The following PITPNC1 variants were observed in gnomAD, a reference collection of about 807,000 sequenced individuals.
The protein encoded by PITPNC1 is cytoplasmic phosphatidylinositol transfer protein 1.
PITPNC1 carries 18 observed loss-of-function variants against 44.7 expected under a neutral mutation model. The observed-to-expected ratio is 0.40, with a 90% CI of 0.28 to 0.60. PITPNC1 has a LOEUF of 0.60. Among genes scored for constraint, PITPNC1 ranks in the 20% least tolerant of loss-of-function variants. PITPNC1 has a pLI of 0.39. For synonymous variants in PITPNC1, 141 were observed against 149.6 expected (o/e 0.94, Z 0.42); for missense variants, 290 against 418.4 (o/e 0.69, Z 2.68).
chr17:67,434,539 G>A (rs913677366), intron 1 of PITPNC1, among the ~76,000 whole-genome samples: 2 of 152,140 alleles, frequency 1.3e-5, no homozygotes, highest in South Asian at 2.1e-4. Context: ...GGCTGGGCGC[G>A]GTGGCTCACA....
At chr17:67,581,804 T>C (rs372735131) in intron 5 of PITPNC1, among the ~76,000 whole-genome samples, 1 of 152,102 alleles carries the variant, frequency 6.6e-6, no homozygotes, top group African/African-American at 2.4e-5. Context: ...GAGGCTGAGG[T>C]GGGTGGATAC....
intron 4 of PITPNC1, among the ~76,000 whole-genome samples, chr17:67,574,633 C>G (rs1010499895): frequency 2.0e-5 from 3 of 152,174 alleles, no homozygotes; most frequent in African/African-American, 7.2e-5. Context: ...AACCAGCCTG[C>G]ATGGGGGAGG....
At chr17:67,678,638 G>T (rs2042647193) in intron 8 of PITPNC1, among the ~76,000 whole-genome samples, 1 of 152,220 alleles carries the variant, frequency 6.6e-6, no homozygotes. Context: ...TCACACAGAT[G>T]CAGACACTCA....
chr17:67,588,535 T>C (rs8071439), intron 5 of PITPNC1, among the ~76,000 whole-genome samples: 10,725 of 152,178 alleles, frequency 0.07, 439 homozygotes, highest in Admixed American at 0.11. Context: ...CCGTCAACTC[T>C]GCTCTGTATA....
chr17:67,696,583 A>G lies in PITPNC1; in HGVS notation c.*3695A>G, dbSNP rs2043014110. 6.6e-6 allele frequency: 1 copy of G among 152,230 alleles called. No homozygotes were observed. 9.4% of individuals were successfully genotyped at this position (152,230 alleles called of 1,614,324 possible). ...TGAGCCATAGTTCTTGAGATTTAAA[A>G]AGTCTGTCCAGTGACTGCAATCTGA... is the stretch of plus-strand genomic sequence containing the variant. On this transcript the variant is annotated 3_prime_UTR_variant, in exon 9 of 9. Transcript: ENST00000581322.
Position 67,377,982 on chromosome 17 carries a change from T to A in PITPNC1, c.-173T>A. On this transcript the variant is annotated 5_prime_UTR_variant, in exon 1 of 9. An upstream start codon of the reference 5' UTR is lost. Coordinates refer to ENST00000581322, the MANE Select transcript of PITPNC1 (RefSeq NM_012417.4). ...GAACACCCAGACCCAAACCCTGACA[T>A]GCTCTGGGGCGGAGAGGAGGAAGCC... 2.3e-6 allele frequency: 1 copy of A among 436,254 alleles called. No individual in the cohort carries two copies. The highest frequency in any genetic ancestry group is 4.9e-5 in the South Asian group (1 of 20,352). The allele number at this position is 436,254 out of a possible 1,614,324, so 27.0% of individuals were successfully genotyped here.
At position 67,597,330 on chromosome 17, in the gene PITPNC1, T is replaced by C. The variant is rs2041472919; in HGVS notation, c.366+19073T>C. ...GCACTTTGGGAGGCCAAAGTGGGTA[T>C]CTTACTTGAAGTCAGGAATTCGAGA... On this transcript the variant is annotated intron_variant, in intron 5 of 8. Transcript: ENST00000581322. The surrounding 1 kb of genome is among the most constrained non-coding windows in gnomAD (Gnocchi z 4.0). Among the ~76,000 whole-genome samples, 1 of 152,028 alleles carries C rather than the reference T, an allele frequency of 6.6e-6. No homozygotes were observed. The highest frequency in any genetic ancestry group is 1.5e-5 in the Non-Finnish European group (1 of 67,986).
At chr17:67,426,463 A>T (rs1323431976) in intron 1 of PITPNC1, among the ~76,000 whole-genome samples, 4 of 152,210 alleles carry the variant, frequency 2.6e-5, no homozygotes, top group Admixed American at 6.5e-5. Context: ...TTGCAGGAAC[A>T]TGGATGAAGC....
At chr17:67,552,924 G>A (rs2040787720) in intron 3 of PITPNC1, among the ~76,000 whole-genome samples, 1 of 151,856 alleles carries the variant, frequency 6.6e-6, no homozygotes, top group Non-Finnish European at 1.5e-5. Context: ...GTAATTTAGG[G>A]GTATAATTTG....
At position 67,676,490 on chromosome 17, in the gene PITPNC1, C is replaced by CA. The variant is rs2042605041; in HGVS notation, c.682+949dup. On this transcript the variant is annotated intron_variant, in intron 8 of 8. Transcript: ENST00000581322. The surrounding 1 kb of genome is among the most constrained non-coding windows in gnomAD (Gnocchi z 4.0). ...TTTCTGCACTCCCAGAATCAGTCAT[C>CA]AGATGGCTACCGTCCTTGGCTATAA... is the stretch of plus-strand genomic sequence containing the variant. Among the ~76,000 whole-genome samples the CA allele has an allele frequency of 6.6e-6, 1 of 152,172 alleles. No individual in the cohort carries two copies. Among genetic ancestry groups the CA allele is most frequent in the African/African-American group, 2.4e-5 (1 of 41,452 alleles).
At chr17:67,585,165 G>C (rs895804271) in intron 5 of PITPNC1, among the ~76,000 whole-genome samples, 4 of 151,168 alleles carry the variant, frequency 2.6e-5, no homozygotes, top group Non-Finnish European at 4.4e-5. Context: ...CATTAATCAT[G>C]GAGTAGGGGA....
In PITPNC1 at chr17:67,597,922, C is replaced by G. The variant is rs2041481057; in HGVS notation, c.366+19665C>G. On this transcript the variant is annotated intron_variant, in intron 5 of 8. Coordinates refer to ENST00000581322, the MANE Select transcript of PITPNC1 (RefSeq NM_012417.4). This position sits in a 1 kb window ranked among gnomAD's most constrained non-coding sequence, Gnocchi z 4.0. ...TGCAGCCCGAGATTTAAAGCAGTGA[C>G]AGTAGAAATAGAGAGGAGACGCTGG... Among the ~76,000 whole-genome samples, 1 of 152,054 alleles carries G rather than the reference C, an allele frequency of 6.6e-6. No homozygotes were observed. Among genetic ancestry groups the G allele is most frequent in the African/African-American group, 2.4e-5 (1 of 41,408 alleles).
rs146755704 is a variant in PITPNC1, at chr17:67,379,150, G to C, written c.48+948G>C. The C allele has an allele frequency of 5.1e-4, 505 of 985,948 alleles. 6 individuals carry two copies. The South Asian group carries it at 8.6e-3, about 17-fold the overall frequency. The allele number at this position is 985,948 out of a possible 1,614,324, so 61.1% of individuals were successfully genotyped here. Reference sequence around the variant, plus strand: ...GTCTCTGTCCAGGGACAGCGAGGGAGCCCAAAGCCAAGCAAGGCAACGTGA... The same window carrying C: ...GTCTCTGTCCAGGGACAGCGAGGGACCCCAAAGCCAAGCAAGGCAACGTGA... On this transcript the variant is annotated intron_variant, in intron 1 of 8. Transcript: ENST00000581322.
intron 1 of PITPNC1, among the ~76,000 whole-genome samples, chr17:67,423,362 T>G (rs2038698433): frequency 6.6e-6 from 1 of 152,184 alleles, no homozygotes; most frequent in African/African-American, 2.4e-5. Flanking sequence ...GGCAGGGCCC[T>G]TACCTTGGGA....
intron 1 of PITPNC1, among the ~76,000 whole-genome samples, chr17:67,425,690 TA>T (rs200580598): frequency 1.0e-4 from 12 of 118,222 alleles, no homozygotes; most frequent in African/African-American, 1.4e-4. Context: ...CTTGGCTAAT[TA>T]AAAAAAAATT....
chr17:67,677,572 C>CTT (rs750613337), intron 8 of PITPNC1, among the ~76,000 whole-genome samples: 25 of 144,448 alleles, frequency 1.7e-4, no homozygotes, highest in African/African-American at 4.6e-4. Context: ...TTAGGGACTT[C>CTT]TTTTTTTTTT....
At chr17:67,626,518 T>C (rs1598903268) in intron 5 of PITPNC1, among the ~76,000 whole-genome samples, 3 of 152,200 alleles carry the variant, frequency 2.0e-5, no homozygotes, top group East Asian at 1.9e-4. Flanking sequence ...TACAGGCACA[T>C]GCCACCACAC....
chr17:67,594,681 G>T (rs1350798775), intron 5 of PITPNC1, among the ~76,000 whole-genome samples: 15 of 152,170 alleles, frequency 9.9e-5, no homozygotes, highest in Admixed American at 9.8e-4. Flanking sequence ...CATCTATGCT[G>T]TTGTTCCCAG....
chr17:67,472,587 C>T (rs1198456813), intron 1 of PITPNC1, among the ~76,000 whole-genome samples: 1 of 148,182 alleles, frequency 6.7e-6, no homozygotes. Flanking sequence ...GAGGAGTTTG[C>T]AGTAAGCCGA....
Sources: gnomAD v4.1 joint callset for allele counts (sites outside exome capture counted in the v4.1 genomes callset) on GRCh38, gnomAD v4.1.1 for gene constraint, Gnocchi (gnomAD v3.1) non-coding constraint, MANE v1.5 for transcripts, NCBI Gene and HGNC (gene_info 2026-07-23, HGNC 2026-07-21) for gene names.